CNTNAP2: variants seen among roughly 807,000 people sequenced by gnomAD.
The protein encoded by CNTNAP2 is contactin-associated protein-like 2.
In CNTNAP2, 98 loss-of-function variants were observed where a neutral mutation model predicts 155.2. That is an observed-to-expected ratio of 0.63 (90% CI 0.54 to 0.75). CNTNAP2 has a LOEUF of 0.75. Ranked by LOEUF, CNTNAP2 falls within the 30% of genes least tolerant of loss-of-function variation. CNTNAP2 has a pLI of 0.00. For missense variants in CNTNAP2, 1,727 were observed against 1,688.1 expected, an observed-to-expected ratio of 1.02 and a Z score of -0.40; for synonymous variants, 651 against 631.2, an observed-to-expected ratio of 1.03 and a Z score of -0.47.
At chr7:148,208,358 T>C (rs893822928) in intron 18 of CNTNAP2, among the ~76,000 whole-genome samples, 5 of 152,116 alleles carry the variant, frequency 3.3e-5, no homozygotes, top group African/African-American at 1.2e-4. Context: ...GGGTTTCCCA[T>C]GAAAGAACAA....
At chr7:146,690,288 G>T (rs974038615) in intron 1 of CNTNAP2, among the ~76,000 whole-genome samples, 1 of 152,098 alleles carries the variant, frequency 6.6e-6, no homozygotes, top group Non-Finnish European at 1.5e-5. Flanking sequence ...GGAGACATAC[G>T]TCATGATCAG....
intron 13 of CNTNAP2, among the ~76,000 whole-genome samples, chr7:147,866,679 G>A (rs1026118967): frequency 6.6e-6 from 1 of 151,894 alleles, no homozygotes; most frequent in Admixed American, 6.6e-5. Context: ...ATTATGAAAT[G>A]GCCTTCTTTG....
intron 1 of CNTNAP2, among the ~76,000 whole-genome samples, chr7:146,725,385 T>G (rs78266361): frequency 0.024 from 3,648 of 152,286 alleles, 74 homozygotes; most frequent in Non-Finnish European, 0.032. Context: ...CATTTTGCCT[T>G]TAGCCTTCAA....
chr7:148,252,397 T>C (rs915902633), intron 20 of CNTNAP2, among the ~76,000 whole-genome samples: 3 of 152,184 alleles, frequency 2.0e-5, no homozygotes, highest in African/African-American at 7.2e-5. Flanking sequence ...CTTTCCTCTC[T>C]GATGGAAATC....
At chr7:147,581,680 T>C (rs1800502477) in intron 12 of CNTNAP2, among the ~76,000 whole-genome samples, 2 of 152,136 alleles carry the variant, frequency 1.3e-5, no homozygotes, top group South Asian at 4.1e-4. Flanking sequence ...CCCATCCAAA[T>C]CTGGTGATTA....
chr7:146,623,016 C>T (rs1799356781), intron 1 of CNTNAP2, among the ~76,000 whole-genome samples: 1 of 150,726 alleles, frequency 6.6e-6, no homozygotes, highest in Admixed American at 6.6e-5. Flanking sequence ...CCATTGCCAT[C>T]AATTTAATTA....
chr7:147,617,176 C>A (rs1470711106), intron 12 of CNTNAP2, among the ~76,000 whole-genome samples: 1 of 152,178 alleles, frequency 6.6e-6, no homozygotes, highest in East Asian at 1.9e-4. Flanking sequence ...ATTCATCTGT[C>A]ATGGTTCACG....
rs1057092401 is a variant in CNTNAP2, at chr7:147,282,854, C to A, written c.1349-17287C>A. On this transcript the variant is annotated intron_variant, in intron 8 of 23. Transcript: ENST00000361727. ...CAAGCAACTTTCCTGCTTTGGCCTCCCAAAATGCTGGGATTACAGATATGA... is the reference window on the plus strand; with the variant it reads ...CAAGCAACTTTCCTGCTTTGGCCTCACAAAATGCTGGGATTACAGATATGA... Among the ~76,000 whole-genome samples the A allele has an allele frequency of 2.0e-5, 3 of 151,772 alleles. No homozygotes were observed. The East Asian group carries it at 5.8e-4, about 29-fold the overall frequency.
intron 11 of CNTNAP2, among the ~76,000 whole-genome samples, chr7:147,549,241 T>C (rs1465778693): frequency 6.6e-6 from 1 of 152,152 alleles, no homozygotes; most frequent in East Asian, 1.9e-4. Context: ...GAGGATGAAA[T>C]GTTTTTCCAT....
At chr7:147,229,908 C>T (rs181306039) in intron 8 of CNTNAP2, among the ~76,000 whole-genome samples, 8 of 152,116 alleles carry the variant, frequency 5.3e-5, no homozygotes, top group Non-Finnish European at 8.8e-5. Flanking sequence ...GGCTTAAAAC[C>T]ATCTTTCTAA....
chr7:147,075,253 A>G (rs956300851), intron 4 of CNTNAP2, among the ~76,000 whole-genome samples: 24 of 152,178 alleles, frequency 1.6e-4, no homozygotes, highest in African/African-American at 5.8e-4. Context: ...CATCTAGTTG[A>G]AATTACTGGA....
At chr7:147,658,180 C>T (rs984162411) in intron 13 of CNTNAP2, among the ~76,000 whole-genome samples, 2 of 120,490 alleles carry the variant, frequency 1.7e-5, no homozygotes, top group African/African-American at 2.8e-5. Context: ...TGGCGTGAAC[C>T]CGGGAGGCGG....
In CNTNAP2 at chr7:146,830,610, T is replaced by C. The variant is rs950956305; in HGVS notation, c.209-9101T>C. 7.2e-5 allele frequency among the ~76,000 whole-genome samples: 11 copies of C among 152,326 alleles called. No homozygotes were observed. In the South Asian group the frequency reaches 8.3e-4, roughly 11 times the overall value. On this transcript the variant is annotated intron_variant, in intron 2 of 23. Coordinates refer to ENST00000361727, the MANE Select transcript of CNTNAP2 (RefSeq NM_014141.6). ...AAGGTTACATAATTCTTTCTAAGCA[T>C]TAGATACCTTTAATCATGAAATTGA... is the stretch of plus-strand genomic sequence containing the variant.
intron 3 of CNTNAP2, among the ~76,000 whole-genome samples, chr7:146,856,567 A>C (rs1393481717): frequency 6.6e-6 from 1 of 152,142 alleles, no homozygotes; most frequent in African/African-American, 2.4e-5. Context: ...TATAGTCTTA[A>C]AGTGTCTCTT....
intron 1 of CNTNAP2, among the ~76,000 whole-genome samples, chr7:146,399,574 T>G (rs965240796): frequency 6.6e-6 from 1 of 152,208 alleles, no homozygotes; most frequent in African/African-American, 2.4e-5. Context: ...GTTTATTTGT[T>G]GATGGACACT....
chr7:146,322,567 G>A (rs1056340002), intron 1 of CNTNAP2, among the ~76,000 whole-genome samples: 1 of 142,234 alleles, frequency 7.0e-6, no homozygotes, highest in Admixed American at 7.1e-5. Flanking sequence ...GAAATCTATT[G>A]GATCCTCTTT....
chr7:146,295,893 A>T (rs1800507438), intron 1 of CNTNAP2, among the ~76,000 whole-genome samples: 1 of 151,568 alleles, frequency 6.6e-6, no homozygotes, highest in African/African-American at 2.4e-5. Flanking sequence ...AAAAACAAAG[A>T]AAAGAAAAAA....
At chr7:148,057,613 A>C (rs1479373264) in intron 15 of CNTNAP2, among the ~76,000 whole-genome samples, 1 of 152,188 alleles carries the variant, frequency 6.6e-6, no homozygotes, top group Non-Finnish European at 1.5e-5. Context: ...GTCAAAGATA[A>C]CTATTTAGAA....
At chr7:147,673,196 A>G (rs918246556) in intron 13 of CNTNAP2, 5 of 152,170 alleles carry the variant, frequency 3.3e-5, no homozygotes, top group African/African-American at 9.7e-5. Flanking sequence ...TACATGAGGT[A>G]TGATATATGG....
Sources: gnomAD v4.1 joint callset for allele counts (sites outside exome capture counted in the v4.1 genomes callset) on GRCh38, gnomAD v4.1.1 for gene constraint, MANE v1.5 for transcripts, NCBI Gene and HGNC (gene_info 2026-07-23, HGNC 2026-07-21) for gene names.